The following ZNF704 variants were observed in gnomAD, a reference collection of about 807,000 sequenced individuals.
ZNF704 encodes the protein zinc finger protein 704.
Under a neutral mutation model 44.7 loss-of-function variants are expected in ZNF704, and 10 were observed. The ratio of observed to expected loss-of-function variants is 0.22; its 90% CI spans 0.14 to 0.38. ZNF704 has a LOEUF of 0.38. Among genes scored for constraint, ZNF704 ranks in the 10% least tolerant of loss-of-function variants. The pLI, the probability that ZNF704 is intolerant of heterozygous loss-of-function variation, is 1.00. For synonymous variants in ZNF704, 211 were observed against 207.6 expected (o/e 1.02, Z -0.14); for missense variants, 390 against 545.5 (o/e 0.71, Z 2.84).
At chr8:80,652,399 A>C (rs1320762112) in intron 7 of ZNF704, among the ~76,000 whole-genome samples, 5 of 152,198 alleles carry the variant, frequency 3.3e-5, no homozygotes, top group Non-Finnish European at 5.9e-5. Context: ...TTAAAAGATC[A>C]ACAAAATTGA....
intron 1 of ZNF704, among the ~76,000 whole-genome samples, chr8:80,867,329 G>A (rs1022134138): frequency 1.3e-5 from 2 of 152,154 alleles, no homozygotes; most frequent in African/African-American, 4.8e-5. Flanking sequence ...TAAGCAGTAA[G>A]TAGTAGACCA....
intron 2 of ZNF704, among the ~76,000 whole-genome samples, chr8:80,708,731 CTCATTCAATCTATCT>C (rs764938193): frequency 2.0e-4 from 31 of 152,006 alleles, no homozygotes; most frequent in Non-Finnish European, 4.1e-4. Flanking sequence ...GTTGGAATTA[CTCATTCAATCTATCT>C]TCCAGTTCTA....
intron 1 of ZNF704, among the ~76,000 whole-genome samples, chr8:80,835,176 AT>A (rs1320037419): frequency 6.6e-6 from 1 of 151,570 alleles, no homozygotes; most frequent in Non-Finnish European, 1.5e-5. Flanking sequence ...CAACTTGGGT[AT>A]TTTTTTTTAA....
At chr8:80,814,948 A>G (rs1808151997) in intron 2 of ZNF704, among the ~76,000 whole-genome samples, 1 of 152,196 alleles carries the variant, frequency 6.6e-6, no homozygotes, top group African/African-American at 2.4e-5. Flanking sequence ...TAAAGTACAT[A>G]AAAGAAAGGA....
the ZNF704 span, among the ~76,000 whole-genome samples, chr8:80,880,063 C>A: frequency 1.1e-4 from 17 of 152,298 alleles, no homozygotes; most frequent in African/African-American, 3.1e-4. Context: ...CTCTGTCTGT[C>A]TCTTCTGTCT....
chr8:80,844,927 A>G (rs1415620129), intron 1 of ZNF704, among the ~76,000 whole-genome samples: 1 of 151,484 alleles, frequency 6.6e-6, no homozygotes, highest in African/African-American at 2.4e-5. Context: ...CAATCCTCCC[A>G]CCTCGGCCTC....
chr8:80,866,772 G>C (rs1477523144), intron 1 of ZNF704, among the ~76,000 whole-genome samples: 1 of 152,072 alleles, frequency 6.6e-6, no homozygotes, highest in African/African-American at 2.4e-5. Context: ...ATTTTAGAAG[G>C]TCAAACTCAC....
At chr8:80,668,778 C>T (rs920322924) in intron 5 of ZNF704, among the ~76,000 whole-genome samples, 1 of 152,140 alleles carries the variant, frequency 6.6e-6, no homozygotes, top group African/African-American at 2.4e-5. Flanking sequence ...ATCCCCTCAC[C>T]AGCTAATACT....
intron 2 of ZNF704, among the ~76,000 whole-genome samples, chr8:80,770,321 C>G (rs557690814): frequency 6.6e-6 from 1 of 152,306 alleles, no homozygotes; most frequent in African/African-American, 2.4e-5. Flanking sequence ...AATCGACTTA[C>G]CTTCTGTCTC....
At chr8:80,881,161 G>T in the ZNF704 span, among the ~76,000 whole-genome samples, 1 of 152,310 alleles carries the variant, frequency 6.6e-6, no homozygotes, top group Non-Finnish European at 1.5e-5. Context: ...TCCATTTCTA[G>T]TTATTCATCC....
chr8:80,774,752 G>A (rs1807382975), intron 2 of ZNF704, among the ~76,000 whole-genome samples: 1 of 152,190 alleles, frequency 6.6e-6, no homozygotes, highest in South Asian at 2.1e-4. Context: ...CTTCTGTGGT[G>A]TTCGGCTAGA....
chr8:80,839,330 C>A (rs1808636892), intron 1 of ZNF704, among the ~76,000 whole-genome samples: 1 of 152,170 alleles, frequency 6.6e-6, no homozygotes, highest in Non-Finnish European at 1.5e-5. Context: ...GTTCTTCCTT[C>A]AAATACATTT....
chr8:80,650,789 A>G (rs1281165977), intron 7 of ZNF704, among the ~76,000 whole-genome samples: 3 of 152,218 alleles, frequency 2.0e-5, no homozygotes, highest in African/African-American at 4.8e-5. Context: ...AGGCAGGCCA[A>G]TATTCAAATT....
In ZNF704 at chr8:80,632,045, C is replaced by G. The variant is rs1241190777; in HGVS notation, c.*9321G>C. ...TGGGGCTTGCCAAGATGGGGGAAAG[C>G]AAGACTGGTAGCTAGAATGGGGACT... On this transcript the variant is annotated 3_prime_UTR_variant, in exon 9 of 9. Transcript: ENST00000327835. 6.6e-6 allele frequency: 1 copy of G among 152,210 alleles called. No individual in the cohort carries two copies. The highest frequency in any genetic ancestry group is 1.5e-5 in the Non-Finnish European group (1 of 68,056). The allele number at this position is 152,210 out of a possible 1,614,324, so 9.4% of individuals were successfully genotyped here. A position where few individuals can be genotyped will look rare whatever the true frequency, so the allele number is the denominator to read the frequency against.
At chr8:80,675,726 A>T (rs1159420023) in intron 4 of ZNF704, among the ~76,000 whole-genome samples, 1 of 152,170 alleles carries the variant, frequency 6.6e-6, no homozygotes, top group East Asian at 1.9e-4. Context: ...GGTTTGAATG[A>T]CTGGGTGAGT....
intron 4 of ZNF704, among the ~76,000 whole-genome samples, chr8:80,683,890 G>C (rs1315354156): frequency 6.6e-6 from 1 of 152,176 alleles, no homozygotes; most frequent in Non-Finnish European, 1.5e-5. Context: ...TCTCTGTGTG[G>C]GGGGAGGTGG....
chr8:80,831,919 T>C (rs1050443288), intron 1 of ZNF704, among the ~76,000 whole-genome samples: 2 of 152,186 alleles, frequency 1.3e-5, no homozygotes, highest in African/African-American at 4.8e-5. Context: ...ACACTATAAC[T>C]TCTATTGCTC....
chr8:80,818,961 A>C (rs548093487), intron 2 of ZNF704, among the ~76,000 whole-genome samples: 8 of 152,264 alleles, frequency 5.3e-5, no homozygotes, highest in African/African-American at 1.9e-4. Context: ...ATAATCCACA[A>C]TGCTTGATTC....
At chr8:80,792,624 A>C (rs1483940502) in intron 2 of ZNF704, among the ~76,000 whole-genome samples, 1 of 152,188 alleles carries the variant, frequency 6.6e-6, no homozygotes, top group African/African-American at 2.4e-5. Context: ...CTAGCATTGT[A>C]AATACATGAG....
Sources: gnomAD v4.1 joint callset for allele counts (sites outside exome capture counted in the v4.1 genomes callset) on GRCh38, gnomAD v4.1.1 for gene constraint, MANE v1.5 for transcripts, NCBI Gene and HGNC (gene_info 2026-07-23, HGNC 2026-07-21) for gene names.